Variants in NSMF observed in about 807,000 individuals in gnomAD.
NSMF encodes nasal embryonic LHRH factor.
In NSMF, 31 loss-of-function variants were observed where a neutral mutation model predicts 71.0. The observed-to-expected ratio is 0.44, with a 90% CI of 0.33 to 0.59. The LOEUF (loss-of-function observed/expected upper bound fraction) is 0.59, where lower values mean the gene tolerates loss of function less well. NSMF is among the 20% of genes least tolerant of loss of function. NSMF has a pLI of 0.04. For synonymous variants in NSMF, 345 were observed against 287.1 expected (o/e 1.20, Z -2.04); for missense variants, 673 against 740.5 (o/e 0.91, Z 1.06).
At position 137,449,322 on chromosome 9, in the gene NSMF, C is replaced by T. The variant is rs891127147; in HGVS notation, c.*72G>A. On this transcript the variant is annotated 3_prime_UTR_variant, in exon 16 of 16. Transcript: ENST00000371475. ...CGGAGCCACACAGTCCCGGGGAGCACGAGGCGGCCCAGCCCCAGGTCCCGG... is the reference window on the plus strand; with the variant it reads ...CGGAGCCACACAGTCCCGGGGAGCATGAGGCGGCCCAGCCCCAGGTCCCGG... The T allele has an allele frequency of 1.1e-5, 15 of 1,313,082 alleles. No individual in the cohort carries two copies. Among genetic ancestry groups the T allele is most frequent in the East Asian group, 4.8e-5 (2 of 41,762 alleles). The allele number at this position is 1,313,082 out of a possible 1,614,324, so 81.3% of individuals were successfully genotyped here.
At chr9:137,451,015 C>A (rs559256005) in intron 12 of NSMF, among the ~76,000 whole-genome samples, 1 of 33,810 alleles carries the variant, frequency 3.0e-5, no homozygotes. Context: ...TGATCTCCCC[C>A]ACCACGTCTC....
chr9:137,459,129 G>A lies in NSMF; in HGVS notation c.-27C>T. The A allele has an allele frequency of 1.7e-6, 2 of 1,145,886 alleles. No homozygotes were observed. Among genetic ancestry groups the A allele is most frequent in the Non-Finnish European group, 2.1e-6 (2 of 934,524 alleles). The allele number at this position is 1,145,886 out of a possible 1,614,324, so 71.0% of individuals were successfully genotyped here. On this transcript the variant is annotated 5_prime_UTR_variant, in exon 1 of 16. Coordinates refer to ENST00000371475, the MANE Select transcript of NSMF (RefSeq NM_001130969.3). ...GTCGAGGCGGCGGCGCATCCCCCGG[G>A]CCTCAGAGCGCGCCCCGCGCCCGCC...
intron 1 of NSMF, 121 bp downstream of exon 1, chr9:137,458,911 G>T: frequency 1.3e-6 from 1 of 748,616 alleles, no homozygotes; most frequent in Admixed American, 3.8e-5. Context: ...GGCGCGGGGA[G>T]GGCGCCTCAG....
intron 14 of NSMF, 78 bp downstream of exon 14, chr9:137,449,845 A>C: frequency 2.1e-6 from 3 of 1,405,822 alleles, no homozygotes; most frequent in Non-Finnish European, 3.0e-6. Flanking sequence ...AAATGCCAGG[A>C]AACATGGAAG....
At chr9:137,451,049 T>C (rs1260776954) in intron 12 of NSMF, among the ~76,000 whole-genome samples, 6 of 15,648 alleles carry the variant, frequency 3.8e-4, no homozygotes, top group East Asian at 2.4e-3. Flanking sequence ...CCCCTCCACG[T>C]CTCTTCCCCT....
At position 137,459,330 on chromosome 9, in the gene NSMF, G is replaced by C. The variant is rs1269484191; in HGVS notation, c.-228C>G. On this transcript the variant is annotated 5_prime_UTR_variant, in exon 1 of 16. Transcript: ENST00000371475. The stretch of plus-strand genomic sequence containing the variant: ...CGCCGCTCCCGGGAGAGCGCTGCCC[G>C]AACCGAGGGCCGGCCCCGCCCATCG... The C allele has an allele frequency of 7.6e-5, 13 of 170,054 alleles. No homozygotes were observed. Among genetic ancestry groups the C allele is most frequent in the African/African-American group, 1.2e-4 (5 of 41,720 alleles). The allele number at this position is 170,054 out of a possible 1,614,324, so 10.5% of individuals were successfully genotyped here.
chr9:137,454,805 G>A (rs535641868), intron 6 of NSMF: 2 of 1,357,448 alleles, frequency 1.5e-6, no homozygotes, highest in East Asian at 3.3e-5. Context: ...GCAGCAGAGC[G>A]GGGCTCCTGT....
intron 9 of NSMF, 107 bp downstream of exon 9, chr9:137,452,949 C>T: frequency 6.3e-7 from 1 of 1,584,644 alleles, no homozygotes. Flanking sequence ...CACCCTCCCC[C>T]AGGCAGCTGG....
Position 137,449,263 on chromosome 9 carries a change from G to A in NSMF, c.*131C>T, listed in dbSNP as rs1412842873. On this transcript the variant is annotated 3_prime_UTR_variant, in exon 16 of 16. Coordinates refer to ENST00000371475, the MANE Select transcript of NSMF (RefSeq NM_001130969.3). ...AACCCACAGGGGGAACCTGAGCAAC[G>A]TCTGAGGTGCCCTGAAGTGGCTCCA... The A allele has an allele frequency of 9.1e-6, 7 of 768,120 alleles. No individual in the cohort carries two copies. Among genetic ancestry groups the A allele is most frequent in the South Asian group, 4.4e-5 (3 of 68,384 alleles). The allele number at this position is 768,120 out of a possible 1,614,324, so 47.6% of individuals were successfully genotyped here.
At chr9:137,454,624 G>A (rs1455083655) in intron 6 of NSMF, 181 bp from the exon 7 acceptor site, 5 of 1,539,094 alleles carry the variant, frequency 3.2e-6, no homozygotes, top group South Asian at 1.2e-5. Context: ...CTCTTCCCGC[G>A]ACAGCCTTCC....
rs560343632 is a variant in NSMF, at chr9:137,458,177, G to A, written c.134-276C>T. On this transcript the variant is annotated intron_variant, in intron 2 of 15. Transcript: ENST00000371475. Reference sequence around the variant, plus strand: ...CCATCCCCCAGCCTGCGATCGCACCGTTTGCCTGGTGCCAACTTCCCCCTC... The same window carrying A: ...CCATCCCCCAGCCTGCGATCGCACCATTTGCCTGGTGCCAACTTCCCCCTC... 5.1e-4 allele frequency among the ~76,000 whole-genome samples: 77 copies of A among 152,286 alleles called. 1 individual carries two copies. The highest frequency in any genetic ancestry group is 4.6e-3 in the East Asian group (24 of 5,180).
rs371165283 is a variant in NSMF, at chr9:137,453,212, G to T, written c.923-32C>A. 6.2e-7 allele frequency: 1 copy of T among 1,611,172 alleles called. No homozygotes were observed. Among genetic ancestry groups the T allele is most frequent in the South Asian group, 1.1e-5 (1 of 91,056 alleles). ...AGCAAGAGGGTCACCAGGACAGCAGGCCCGGCAGCACCTCCTATCCTGGCC... is the reference window on the plus strand; with the variant it reads ...AGCAAGAGGGTCACCAGGACAGCAGTCCCGGCAGCACCTCCTATCCTGGCC... On this transcript the variant is annotated intron_variant, in intron 8 of 15. Coordinates refer to ENST00000371475, the MANE Select transcript of NSMF (RefSeq NM_001130969.3). The surrounding 1 kb of genome is among the most constrained non-coding windows in gnomAD (Gnocchi z 4.5).
chr9:137,455,278 C>A lies in NSMF; in HGVS notation c.740G>T (p.Arg247Leu). The A allele has an allele frequency of 1.2e-6, 2 of 1,612,808 alleles. No individual in the cohort carries two copies. Among genetic ancestry groups the A allele is most frequent in the Non-Finnish European group, 1.7e-6 (2 of 1,179,918 alleles). Reference protein sequence around the residue: ...SVFRGYAERKRRKRENDSASV... With the variant: ...SVFRGYAERKLRKRENDSASV... Reference sequence around the variant, plus strand: ...CGCGGAATCATTCTCCCGTTTCCGGCGCTTCCTCTCCGCGTAGCCCCTGAA... The same window carrying A: ...CGCGGAATCATTCTCCCGTTTCCGGAGCTTCCTCTCCGCGTAGCCCCTGAA... Residue 247 changes from arginine to leucine, a missense_variant, in exon 6 of 16, where the codon CGC becomes CTC. Arg to Leu is a moderately radical substitution (Grantham distance 102). Coordinates refer to ENST00000371475, the MANE Select transcript of NSMF (RefSeq NM_001130969.3).
chr9:137,455,606 C>T (rs1474889147), intron 5 of NSMF, 23 bp downstream of exon 5: 5 of 1,550,030 alleles, frequency 3.2e-6, no homozygotes, highest in Non-Finnish European at 3.5e-6. Context: ...TGCCCTTAGG[C>T]ACCAAGTCAT....
rs368054739 is a variant in NSMF, at chr9:137,449,262, C to T, written c.*132G>A. On this transcript the variant is annotated 3_prime_UTR_variant, in exon 16 of 16. Coordinates refer to ENST00000371475, the MANE Select transcript of NSMF (RefSeq NM_001130969.3). ...GAACCCACAGGGGGAACCTGAGCAA[C>T]GTCTGAGGTGCCCTGAAGTGGCTCC... 4.2e-3 allele frequency: 3,179 copies of T among 760,526 alleles called. 10 individuals are homozygous for T. The highest frequency in any genetic ancestry group is 6.6e-3 in the Middle Eastern group (19 of 2,870). The allele number at this position is 760,526 out of a possible 1,614,324, so 47.1% of individuals were successfully genotyped here.
Position 137,453,663 on chromosome 9 carries a change from C to T in NSMF, c.922+68G>A. Reference sequence around the variant, plus strand: ...CAGCCCAGCGGCCCTGGCAGGGGACCCCCAGCAGGGGTCTGGGGTCTAGGG... The same window carrying T: ...CAGCCCAGCGGCCCTGGCAGGGGACTCCCAGCAGGGGTCTGGGGTCTAGGG... On this transcript the variant is annotated intron_variant, in intron 8 of 15. Transcript: ENST00000371475. The surrounding 1 kb of genome is among the most constrained non-coding windows in gnomAD (Gnocchi z 4.5). 1 of 1,305,818 alleles carries T rather than the reference C, an allele frequency of 7.7e-7. No individual in the cohort carries two copies. Among genetic ancestry groups the T allele is most frequent in the Non-Finnish European group, 1.0e-6 (1 of 953,000 alleles). 80.9% of individuals were successfully genotyped at this position (1,305,818 alleles called of 1,614,324 possible). A position where few individuals can be genotyped will look rare whatever the true frequency, so the allele number is the denominator to read the frequency against.
At position 137,452,937 on chromosome 9, in the gene NSMF, G is replaced by A. The variant is rs1475302442; in HGVS notation, c.1048-118C>T. 49 of 1,567,232 alleles carry A rather than the reference G, an allele frequency of 3.1e-5. No homozygotes were observed. The Admixed American group carries it at 8.3e-4, about 27-fold the overall frequency. ...GCAGCCCAAGGGTATAGCCCTGTGA[G>A]ACACCCTCCCCCAGGCAGCTGGAGA... On this transcript the variant is annotated intron_variant, in intron 9 of 15. Transcript: ENST00000371475.
Position 137,453,762 on chromosome 9 carries a change from C to T in NSMF, c.891G>A (p.Met297Ile). 6.2e-7 allele frequency: 1 copy of T among 1,602,052 alleles called. No individual in the cohort carries two copies. Among genetic ancestry groups the T allele is most frequent in the Admixed American group, 1.7e-5 (1 of 59,590 alleles). ...FSRSWSDPTP[M>I]KADTSHDSRD... ...GGGAGTCGTGGGAAGTGTCGGCTTT[C>T]ATGGGGGTGGGGTCGCTCCAGGACC... Residue 297 changes from methionine to isoleucine, a missense_variant, in exon 8 of 16, where the codon ATG (methionine) becomes ATA (isoleucine). This residue lies in a region of NSMF where 471 missense variants were observed against 459.6 expected (regional missense o/e 1.02). Coordinates refer to ENST00000371475, the MANE Select transcript of NSMF (RefSeq NM_001130969.3). This position sits in a 1 kb window ranked among gnomAD's most constrained non-coding sequence, Gnocchi z 4.5.
chr9:137,459,272 C>A lies in NSMF; in HGVS notation c.-170G>T, dbSNP rs1348719214. ...GTCGGGCTCGGGGTCGGGCCCGGTC[C>A]CCGCATGGCCGCACCCGGCGCTCCG... On this transcript the variant is annotated 5_prime_UTR_variant, in exon 1 of 16. The change creates a premature stop within an existing upstream ORF in the 5' untranslated region. Transcript: ENST00000371475. The A allele has an allele frequency of 3.6e-5, 10 of 281,202 alleles. No homozygotes were observed. Among genetic ancestry groups the A allele is most frequent in the Non-Finnish European group, 5.5e-5 (10 of 182,574 alleles). 17.4% of individuals were successfully genotyped at this position (281,202 alleles called of 1,614,324 possible). A position where few individuals can be genotyped will look rare whatever the true frequency, so the allele number is the denominator to read the frequency against.
Sources: gnomAD v4.1 joint callset for allele counts (sites outside exome capture counted in the v4.1 genomes callset) on GRCh38, gnomAD v4.1.1 for gene constraint, gnomAD v4.1.1 regional missense constraint, Gnocchi (gnomAD v3.1) non-coding constraint, MANE v1.5 for transcripts, NCBI Gene and HGNC (gene_info 2026-07-23, HGNC 2026-07-21) for gene names.